The following STX11 variants were observed in gnomAD, a reference collection of about 807,000 sequenced individuals.
The protein encoded by STX11 is syntaxin 11, also known as syntaxin-11.
A neutral mutation model predicts 19.9 loss-of-function variants in STX11; 21 were observed. The ratio of observed to expected loss-of-function variants is 1.06; its 90% confidence interval spans 0.75 to 1.52. The LOEUF is 1.52. Among genes scored for constraint, STX11 ranks in the 40% most tolerant of loss-of-function variants. STX11 has a pLI of 0.00. For synonymous variants in STX11, 193 were observed against 174.4 expected, an observed-to-expected ratio of 1.11 and a Z score of -0.84; for missense variants, 438 against 405.9, an observed-to-expected ratio of 1.08 and a Z score of -0.68.
chr6:144,191,713 A>T lies in STX11; in HGVS notation c.*4222A>T, dbSNP rs1390138623. 6.6e-6 allele frequency among the ~76,000 whole-genome samples: 1 copy of T among 152,260 alleles called. No individual in the cohort carries two copies. The highest frequency in any genetic ancestry group is 1.5e-5 in the Non-Finnish European group (1 of 68,046). On this transcript the variant is annotated 3_prime_UTR_variant, in exon 2 of 2. Coordinates refer to ENST00000367568, the MANE Select transcript of STX11 (RefSeq NM_003764.4). ...TAGTTTGAAACACCCAATTGTAATCAGAGCAACAGTTGACTTCCTTTTGAT... is the reference window on the plus strand; with the variant it reads ...TAGTTTGAAACACCCAATTGTAATCTGAGCAACAGTTGACTTCCTTTTGAT...
At chr6:144,158,587 C>T (rs1204664468) in intron 1 of STX11, among the ~76,000 whole-genome samples, 2 of 150,770 alleles carry the variant, frequency 1.3e-5, no homozygotes, top group Non-Finnish European at 2.9e-5. Context: ...AGATAACTTA[C>T]AGGATAATGT....
Position 144,155,971 on chromosome 6 carries a change from T to C in STX11, c.-6+5268T>C, listed in dbSNP as rs1236235572. Among the ~76,000 whole-genome samples, 3 of 129,886 alleles carry C rather than the reference T, an allele frequency of 2.3e-5. No homozygotes were observed. Among genetic ancestry groups the C allele is most frequent in the African/African-American group, 1.2e-4 (3 of 25,502 alleles). The allele number at this position is 129,886 out of a possible 152,430, so 85.2% of individuals were successfully genotyped here. ...CTTTCTTTCTTTCTTTCTTTCTTTC[T>C]TTCTTTCTTTCTTTCTTTCTTTCTT... is the stretch of plus-strand genomic sequence containing the variant. On this transcript the variant is annotated intron_variant, in intron 1 of 1. Transcript: ENST00000367568. The surrounding 1 kb of genome is among the most constrained non-coding windows in gnomAD (Gnocchi z 4.5).
Position 144,187,935 on chromosome 6 carries a change from AT to A in STX11, c.*448del. 1 of 301,176 alleles carries A rather than the reference AT, an allele frequency of 3.3e-6. No individual in the cohort carries two copies. Among genetic ancestry groups the A allele is most frequent in the East Asian group, 5.2e-5 (1 of 19,110 alleles). The allele number at this position is 301,176 out of a possible 1,614,324, so 18.7% of individuals were successfully genotyped here. A position where few individuals can be genotyped will look rare whatever the true frequency, so the allele number is the denominator to read the frequency against. On this transcript the variant is annotated 3_prime_UTR_variant, in exon 2 of 2. Transcript: ENST00000367568. The surrounding 1 kb of genome is among the most constrained non-coding windows in gnomAD (Gnocchi z 5.6). ...CCTGAAAATTCCCTGGTTCTGTTCC[AT>A]TTTGAGCGAAATTGGCCTTGGGAAA... is the stretch of plus-strand genomic sequence containing the variant.
intron 1 of STX11, among the ~76,000 whole-genome samples, chr6:144,164,187 CAT>C (rs1801418311): frequency 6.6e-6 from 1 of 152,152 alleles, no homozygotes; most frequent in Non-Finnish European, 1.5e-5. Context: ...ATATCAATCA[CAT>C]AGTCTGCCTT....
chr6:144,157,831 A>G (rs1373686937), intron 1 of STX11, among the ~76,000 whole-genome samples: 1 of 152,184 alleles, frequency 6.6e-6, no homozygotes, highest in East Asian at 1.9e-4. Flanking sequence ...ACATTGTTAA[A>G]TGTTGAACAA....
At chr6:144,145,337 A>G in the STX11 span, among the ~76,000 whole-genome samples, 1 of 152,214 alleles carries the variant, frequency 6.6e-6, no homozygotes, top group South Asian at 2.1e-4. Context: ...CTTATATGAG[A>G]TACTTAGAGC....
intron 1 of STX11, 96 bp from the exon 2 acceptor site, chr6:144,186,527 T>C: frequency 1.3e-6 from 2 of 1,513,852 alleles, no homozygotes; most frequent in Non-Finnish European, 1.8e-6. Context: ...GAATACAAAA[T>C]TGGGACTGCT....
chr6:144,141,042 C>G, the STX11 span, among the ~76,000 whole-genome samples: 1 of 152,188 alleles, frequency 6.6e-6, no homozygotes, highest in Admixed American at 6.5e-5. Context: ...TCACTTTTAT[C>G]TGTTCTGCAG....
At chr6:144,149,602 G>A (rs1176737713), upstream of STX11, among the ~76,000 whole-genome samples, 1 of 151,904 alleles carries the variant, frequency 6.6e-6, no homozygotes, top group Non-Finnish European at 1.5e-5. This position sits in a 1 kb window ranked among gnomAD's most constrained non-coding sequence, Gnocchi z 5.1. Context: ...TTAGCCTCCC[G>A]AGCAGCTGGG....
the STX11 span, among the ~76,000 whole-genome samples, chr6:144,140,241 TATATATATATA>T: frequency 2.0e-5 from 1 of 50,170 alleles, no homozygotes; most frequent in African/African-American, 1.4e-4. Flanking sequence ...TATATATATA[TATATATATATA>T]TATTTATTTA....
chr6:144,170,873 G>A lies in STX11; in HGVS notation c.-5-15750G>A, dbSNP rs1457954548. Among the ~76,000 whole-genome samples the A allele has an allele frequency of 6.6e-6, 1 of 152,162 alleles. No homozygotes were observed. The highest frequency in any genetic ancestry group is 1.9e-4 in the East Asian group (1 of 5,202). On this transcript the variant is annotated intron_variant, in intron 1 of 1. Coordinates refer to ENST00000367568, the MANE Select transcript of STX11 (RefSeq NM_003764.4). This position sits in a 1 kb window ranked among gnomAD's most constrained non-coding sequence, Gnocchi z 4.7. ...CATGACCATAGGTAACATATACAAAGTGCTCACTCTCTGCCAGGTGCTAGT... is the reference window on the plus strand; with the variant it reads ...CATGACCATAGGTAACATATACAAAATGCTCACTCTCTGCCAGGTGCTAGT...
chr6:144,153,834 G>A lies in STX11; in HGVS notation c.-6+3131G>A, dbSNP rs980501450. The stretch of plus-strand genomic sequence containing the variant: ...TAGGAGCAGTTGAGATGACTCCCAT[G>A]TTTCTAATGAATGACTAGGATAAGA... On this transcript the variant is annotated intron_variant, in intron 1 of 1. Coordinates refer to ENST00000367568, the MANE Select transcript of STX11 (RefSeq NM_003764.4). The surrounding 1 kb of genome is among the most constrained non-coding windows in gnomAD (Gnocchi z 5.0). Among the ~76,000 whole-genome samples, 1 of 152,154 alleles carries A rather than the reference G, an allele frequency of 6.6e-6. No individual in the cohort carries two copies. Among genetic ancestry groups the A allele is most frequent in the African/African-American group, 2.4e-5 (1 of 41,426 alleles).
the STX11 span, among the ~76,000 whole-genome samples, chr6:144,142,065 GAA>G: frequency 1.3e-5 from 2 of 151,334 alleles, no homozygotes; most frequent in East Asian, 3.9e-4. Flanking sequence ...ATTTGAGTCT[GAA>G]GTCTTCTGCT....
intron 1 of STX11, among the ~76,000 whole-genome samples, chr6:144,166,979 G>A (rs979522771): frequency 2.0e-5 from 3 of 151,896 alleles, no homozygotes; most frequent in Non-Finnish European, 2.9e-5. Context: ...CTTGCCCTGT[G>A]GCCCTGCATC....
intron 1 of STX11, among the ~76,000 whole-genome samples, chr6:144,161,875 A>G (rs1389492409): frequency 6.6e-6 from 1 of 152,158 alleles, no homozygotes; most frequent in Non-Finnish European, 1.5e-5. Flanking sequence ...TAAGCTCCTT[A>G]TCTTTACTCT....
upstream of STX11, among the ~76,000 whole-genome samples, chr6:144,149,844 C>T (rs1481150223): frequency 2.0e-5 from 3 of 152,210 alleles, no homozygotes; most frequent in Non-Finnish European, 4.4e-5. This position sits in a 1 kb window ranked among gnomAD's most constrained non-coding sequence, Gnocchi z 5.1. Context: ...AGGTGCTTTA[C>T]CACCACCTGG....
At position 144,167,999 on chromosome 6, in the gene STX11, A is replaced by C. The variant is rs542714317; in HGVS notation, c.-6+17296A>C. On this transcript the variant is annotated intron_variant, in intron 1 of 1. Transcript: ENST00000367568. The surrounding 1 kb of genome is among the most constrained non-coding windows in gnomAD (Gnocchi z 5.0). ...ACATACCATTAATACAGTGAAAAAA[A>C]TAATGTGTTCAGGGCAACTAAGCCC... 6.6e-6 allele frequency among the ~76,000 whole-genome samples: 1 copy of C among 152,244 alleles called. No homozygotes were observed. Among genetic ancestry groups the C allele is most frequent in the Non-Finnish European group, 1.5e-5 (1 of 68,046 alleles).
In STX11 at chr6:144,151,649, C is replaced by T. The variant is rs1414623081; in HGVS notation, c.-6+946C>T. On this transcript the variant is annotated intron_variant, in intron 1 of 1. Coordinates refer to ENST00000367568, the MANE Select transcript of STX11 (RefSeq NM_003764.4). This position sits in a 1 kb window ranked among gnomAD's most constrained non-coding sequence, Gnocchi z 4.6. Reference sequence around the variant, plus strand: ...ACCATTGAAATCATGTGCTTTGCCACAGATGCCCAAGAGAAAATTAATTTC... The same window carrying T: ...ACCATTGAAATCATGTGCTTTGCCATAGATGCCCAAGAGAAAATTAATTTC... Among the ~76,000 whole-genome samples, 1 of 152,196 alleles carries T rather than the reference C, an allele frequency of 6.6e-6. No homozygotes were observed. The highest frequency in any genetic ancestry group is 1.5e-5 in the Non-Finnish European group (1 of 68,040).
intron 1 of STX11, among the ~76,000 whole-genome samples, chr6:144,173,322 T>C (rs1182347738): frequency 6.6e-6 from 1 of 152,232 alleles, no homozygotes; most frequent in Non-Finnish European, 1.5e-5. Flanking sequence ...ATGTTAGACC[T>C]CTGTCTACTT....
Sources: allele counts gnomAD v4.1 joint callset (sites outside exome capture counted in the v4.1 genomes callset), GRCh38; gene constraint gnomAD v4.1.1; non-coding constraint Gnocchi (gnomAD v3.1); transcripts MANE v1.5; gene names NCBI Gene and HGNC (gene_info 2026-07-23, HGNC 2026-07-21).